The following SMAD4 variants were observed in gnomAD, a reference collection of about 807,000 sequenced individuals.
The protein encoded by SMAD4 is MAD homolog 4.
In SMAD4, 7 loss-of-function variants were observed where a neutral mutation model predicts 63.2. That is an observed-to-expected ratio of 0.11 (90% CI 0.06 to 0.21). The LOEUF (loss-of-function observed/expected upper bound fraction) is 0.21. SMAD4 is among the 10% of genes least tolerant of loss of function. The probability of loss-of-function intolerance (pLI) is 1.00; values close to 1 mark genes in which losing one functional copy is unlikely to be tolerated. For synonymous variants in SMAD4, 215 were observed against 235.4 expected (o/e 0.91, Z 0.79); for missense variants, 312 against 693.8 (o/e 0.45, Z 6.18).
intron 1 of SMAD4, among the ~76,000 whole-genome samples, chr18:51,031,454 T>TA (rs982726681): frequency 6.6e-5 from 10 of 152,192 alleles, no homozygotes; most frequent in South Asian, 2.1e-4. Context: ...TGTTTTTATT[T>TA]AAAAAAACAC....
chr18:51,047,392 G>A (rs1359731816), intron 2 of SMAD4, 97 bp downstream of exon 2: 1 of 1,080,574 alleles, frequency 9.3e-7, no homozygotes, highest in East Asian at 2.4e-5. Flanking sequence ...TTTAATTTGT[G>A]CTCCATCTCT....
intron 8 of SMAD4, among the ~76,000 whole-genome samples, chr18:51,063,258 GT>G (rs1261263421): frequency 1.3e-5 from 2 of 151,266 alleles, no homozygotes; most frequent in South Asian, 2.1e-4. Flanking sequence ...TTTTTGTTGT[GT>G]TTTTTTTGGC....
intron 8 of SMAD4, among the ~76,000 whole-genome samples, chr18:51,061,653 T>G (rs1910018389): frequency 6.6e-6 from 1 of 152,268 alleles, no homozygotes; most frequent in Admixed American, 6.5e-5. Context: ...TCAGCCATTA[T>G]CAAGTAATGA....
chr18:51,064,347 A>G (rs368212205), intron 8 of SMAD4, among the ~76,000 whole-genome samples: 10 of 152,254 alleles, frequency 6.6e-5, no homozygotes, highest in African/African-American at 1.4e-4. Context: ...GTTCTTCCCA[A>G]TCATCTGCTG....
chr18:51,078,109 A>G, intron 11 of SMAD4, 147 bp from the exon 12 acceptor site: 2 of 719,890 alleles, frequency 2.8e-6, no homozygotes, highest in East Asian at 2.7e-5. Context: ...GTTTAGATCT[A>G]CTGTTACTTC....
intron 10 of SMAD4, among the ~76,000 whole-genome samples, chr18:51,069,451 T>A (rs1289398238): frequency 6.6e-6 from 1 of 152,226 alleles, no homozygotes; most frequent in African/African-American, 2.4e-5. Context: ...GATTTCCTTA[T>A]ATGTTTTGTA....
Position 51,083,562 on chromosome 18 carries a change from G to C in SMAD4, c.*5095G>C. 4.5e-6 allele frequency: 1 copy of C among 224,232 alleles called. No individual in the cohort carries two copies. Among genetic ancestry groups the C allele is most frequent in the Non-Finnish European group, 8.9e-6 (1 of 112,872 alleles). 13.9% of individuals were successfully genotyped at this position (224,232 alleles called of 1,614,324 possible). The stretch of plus-strand genomic sequence containing the variant: ...TACTTTTCACACCGTTTATTTAAAT[G>C]CTTTCTCAATAGGTCCAGAGCCAGT... On this transcript the variant is annotated 3_prime_UTR_variant, in exon 12 of 12. Transcript: ENST00000342988.
rs937059370 is a variant in SMAD4 at position 51,067,623 on chromosome 18, G to A, written c.1308+436G>A. ...AGACGGGGTTTCACCATGTTGGCCA[G>A]GCTGGTCTCGAACTCCTGACCTAAA... On this transcript the variant is annotated intron_variant, in intron 10 of 11. Coordinates refer to ENST00000342988, the MANE Select transcript of SMAD4 (RefSeq NM_005359.6). Among the ~76,000 whole-genome samples, 6 of 152,200 alleles carry A rather than the reference G, an allele frequency of 3.9e-5. No individual in the cohort carries two copies. In the South Asian group the frequency reaches 8.3e-4, roughly 21 times the overall value.
chr18:51,059,986 G>T, intron 8 of SMAD4, 70 bp downstream of exon 8: 1 of 1,142,740 alleles, frequency 8.8e-7, no homozygotes. Flanking sequence ...CACAAACACA[G>T]GCTTTAATGG....
rs1910622050 is a variant in SMAD4 at position 51,081,959 on chromosome 18, C to T, written c.*3492C>T. ...AGTTACTCACCATTTTATGCAGAGT[C>T]ACATTAGTTCACACCCTTTCTGAGA... On this transcript the variant is annotated 3_prime_UTR_variant, in exon 12 of 12. Coordinates refer to ENST00000342988, the MANE Select transcript of SMAD4 (RefSeq NM_005359.6). 1 of 231,812 alleles carries T rather than the reference C, an allele frequency of 4.3e-6. No individual in the cohort carries two copies. The highest frequency in any genetic ancestry group is 2.2e-5 in the African/African-American group (1 of 45,260). The allele number at this position is 231,812 out of a possible 1,614,324, so 14.4% of individuals were successfully genotyped here.
intron 5 of SMAD4, among the ~76,000 whole-genome samples, chr18:51,056,054 A>G (rs934231662): frequency 2.6e-5 from 4 of 152,236 alleles, no homozygotes; most frequent in African/African-American, 7.2e-5. Context: ...CACTATAGGC[A>G]GCATATTCTA....
chr18:51,049,487 T>C (rs1909643315), intron 4 of SMAD4, 163 bp downstream of exon 4: 1 of 630,406 alleles, frequency 1.6e-6, no homozygotes, highest in Admixed American at 2.8e-5. Context: ...CATTTAAAAC[T>C]GGATTTAAAA....
intron 1 of SMAD4, among the ~76,000 whole-genome samples, chr18:51,034,374 G>C (rs1909142124): frequency 6.6e-6 from 1 of 151,872 alleles, no homozygotes; most frequent in Non-Finnish European, 1.5e-5. Flanking sequence ...AGCCTCCCGA[G>C]TAGCTGAGAT....
intron 4 of SMAD4, chr18:51,052,871 G>A (rs916522692): frequency 1.3e-5 from 2 of 157,616 alleles, no homozygotes; most frequent in Non-Finnish European, 2.8e-5. Flanking sequence ...TTTTAAACAT[G>A]CATATGATCA....
At chr18:51,062,814 A>T (rs1599193368) in intron 8 of SMAD4, among the ~76,000 whole-genome samples, 1 of 144,578 alleles carries the variant, frequency 6.9e-6, no homozygotes. Context: ...AAAGTGATGA[A>T]TACATCCCTA....
At chr18:51,044,516 C>T (rs1477327884) in intron 1 of SMAD4, among the ~76,000 whole-genome samples, 1 of 152,120 alleles carries the variant, frequency 6.6e-6, no homozygotes, top group African/African-American at 2.4e-5. Context: ...TCTCAGCTCC[C>T]CGCGTAGCTA....
At chr18:51,059,253 C>G (rs923122492) in intron 7 of SMAD4, among the ~76,000 whole-genome samples, 13 of 152,138 alleles carry the variant, frequency 8.5e-5, no homozygotes, top group Non-Finnish European at 1.8e-4. Flanking sequence ...TAATGGCTGC[C>G]TAGGCCGTCA....
rs565787657 is a variant in SMAD4 at position 51,062,212 on chromosome 18, C to T, written c.955+2296C>T. Among the ~76,000 whole-genome samples, 46 of 152,266 alleles carry T rather than the reference C, an allele frequency of 3.0e-4. 1 individual carries two copies. Among genetic ancestry groups the T allele is most frequent in the African/African-American group, 1.0e-3 (43 of 41,564 alleles). Reference sequence around the variant, plus strand: ...TTACATTGTGTGTTGTGATTTTAAACATTTTTGTAGGTCAAGGGGTCTAGC... The same window carrying T: ...TTACATTGTGTGTTGTGATTTTAAATATTTTTGTAGGTCAAGGGGTCTAGC... On this transcript the variant is annotated intron_variant, in intron 8 of 11. Transcript: ENST00000342988.
chr18:51,031,678 T>A (rs1909054422), intron 1 of SMAD4, among the ~76,000 whole-genome samples: 1 of 152,134 alleles, frequency 6.6e-6, no homozygotes, highest in Non-Finnish European at 1.5e-5. Flanking sequence ...GCAGCTTGGT[T>A]ACTCGGGTGT....
Sources: gnomAD v4.1 joint callset for allele counts (sites outside exome capture counted in the v4.1 genomes callset) on GRCh38, gnomAD v4.1.1 for gene constraint, MANE v1.5 for transcripts, NCBI Gene and HGNC (gene_info 2026-07-23, HGNC 2026-07-21) for gene names.